The following WDR31 variants were observed in gnomAD, a reference collection of about 807,000 sequenced individuals.
The protein encoded by WDR31 is WD repeat-containing protein 31.
In WDR31, 30 loss-of-function variants were observed where a neutral mutation model predicts 47.3. That is an observed-to-expected ratio of 0.63 (90% CI 0.47 to 0.86). WDR31 has a LOEUF of 0.86. Among genes scored for constraint, WDR31 ranks in the 40% least tolerant of loss-of-function variants. The pLI is 0.00. For missense variants in WDR31, 406 were observed against 442.9 expected (o/e 0.92, Z 0.75); for synonymous variants, 137 against 159.4 (o/e 0.86, Z 1.06).
chr9:113,323,551 T>C (rs12346510), intron 5 of WDR31, among the ~76,000 whole-genome samples: 4,288 of 151,768 alleles, frequency 0.028, 207 homozygotes, highest in African/African-American at 0.098. Flanking sequence ...CATGAGCCAC[T>C]GTGCCCGGCC....
chr9:113,327,219 C>G (rs759554887), intron 5 of WDR31, among the ~76,000 whole-genome samples: 12 of 152,096 alleles, frequency 7.9e-5, no homozygotes, highest in Non-Finnish European at 1.8e-4. Context: ...CAAATTTTAT[C>G]TTTGCTTCTT....
intron 7 of WDR31, among the ~76,000 whole-genome samples, chr9:113,322,010 CT>C (rs1833335954): frequency 6.6e-6 from 1 of 152,042 alleles, no homozygotes; most frequent in Non-Finnish European, 1.5e-5. Flanking sequence ...ACAGGATTTT[CT>C]TTTCTTCCAG....
chr9:113,324,841 T>A (rs937478761), intron 5 of WDR31, among the ~76,000 whole-genome samples: 1 of 109,342 alleles, frequency 9.1e-6, no homozygotes, highest in Non-Finnish European at 2.1e-5. Context: ...TGTGTGTGTG[T>A]GTGTGTGTGT....
rs1173053896 is a variant in WDR31, at chr9:113,318,522, G to A, written c.896C>T (p.Thr299Ile). The A allele has an allele frequency of 1.2e-6, 2 of 1,614,144 alleles. No homozygotes were observed. The highest frequency in any genetic ancestry group is 2.2e-5 in the East Asian group (1 of 44,902). The change falls in exon 10 of 11, where the codon ACC becomes ATC. Residue 299 changes from threonine (T) to isoleucine (I), a missense_variant. Physicochemically the swap from Thr to Ile is moderately conservative, Grantham distance 89 (BLOSUM62 -1). Transcript: ENST00000374193. ...CTTCACCTTGCAATCATGTGATGAGGTAGCAATTAAAGGCATCAAGGCCAA... is the reference window on the plus strand; with the variant it reads ...CTTCACCTTGCAATCATGTGATGAGATAGCAATTAAAGGCATCAAGGCCAA... The part of the protein sequence containing the change: ...RALALMPLIA[T>I]SSHDCKVKIW...
intron 3 of WDR31, among the ~76,000 whole-genome samples, chr9:113,331,322 G>A (rs1456187525): frequency 6.6e-6 from 1 of 152,172 alleles, no homozygotes. Flanking sequence ...ATGACTGAAG[G>A]ACTGGAATCT....
chr9:113,318,477 C>G lies in WDR31; in HGVS notation c.941G>C (p.Gly314Ala). ...AGAACTAACAGCAGGCTGCTTACCT[C>G]CAGTATCTTGGTTCCAAATCTTCAC... The part of the protein sequence containing the change: ...CKVKIWNQDT[G>A]ACLFTLSLDG... The change falls in exon 10 of 11, where the codon GGA (glycine) becomes GCA (alanine). Residue 314 changes from glycine to alanine, a missense_variant and splice_region_variant. Transcript: ENST00000374193. 6.2e-7 allele frequency: 1 copy of G among 1,614,178 alleles called. No homozygotes were observed. Among genetic ancestry groups the G allele is most frequent in the Non-Finnish European group, 8.5e-7 (1 of 1,180,034 alleles).
intron 8 of WDR31, 32 bp from the exon 9 acceptor site, chr9:113,320,530 T>C (rs1456217591): frequency 5.6e-6 from 9 of 1,606,266 alleles, no homozygotes; most frequent in African/African-American, 1.3e-5. Context: ...AATTAGCTTG[T>C]AGTAAATGTG....
chr9:113,331,863 T>A (rs774056833), intron 3 of WDR31, 44 bp downstream of exon 3: 4 of 1,575,430 alleles, frequency 2.5e-6, no homozygotes, highest in Non-Finnish European at 3.5e-6. Context: ...AGAGTTTTAA[T>A]GGGGCATGAT....
intron 4 of WDR31, among the ~76,000 whole-genome samples, chr9:113,330,061 G>A (rs1357800278): frequency 2.6e-5 from 4 of 152,108 alleles, no homozygotes; most frequent in Admixed American, 6.5e-5. Context: ...TATGCAAATG[G>A]AATTTGAAGA....
intron 4 of WDR31, 147 bp from the exon 5 acceptor site, chr9:113,329,102 TG>T (rs1229571448): frequency 1.4e-6 from 1 of 691,860 alleles, no homozygotes; most frequent in Non-Finnish European, 2.5e-6. Context: ...TTCCCTGTTG[TG>T]GCCGTCCCTC....
At chr9:113,326,113 G>C (rs1482157203) in intron 5 of WDR31, among the ~76,000 whole-genome samples, 2 of 152,168 alleles carry the variant, frequency 1.3e-5, no homozygotes, top group Non-Finnish European at 2.9e-5. Context: ...GTTTCTCCAT[G>C]TTGGTCAGGC....
rs1195769256 is a variant in WDR31, at chr9:113,323,121, C to A, written c.359G>T (p.Ser120Ile). The change falls in exon 6 of 11, where the codon AGT becomes ATT. Residue 120 changes from serine to isoleucine, a missense_variant. Ser to Ile is a moderately radical substitution (Grantham distance 142). Transcript: ENST00000374193. Reference sequence around the variant, plus strand: ...CATGACCATCCTGTCACGAGAGGCACTGAAGAACTGGCTGGATTTGGGAAT... The same window carrying A: ...CATGACCATCCTGTCACGAGAGGCAATGAAGAACTGGCTGGATTTGGGAAT... ...ACIPKSSQFF[S>I]ASRDRMVMMW... 1.2e-6 allele frequency: 2 copies of A among 1,614,070 alleles called. No homozygotes were observed.
intron 1 of WDR31, among the ~76,000 whole-genome samples, chr9:113,339,728 ATTTGTT>A (rs200137621): frequency 2.6e-5 from 4 of 151,980 alleles, no homozygotes; most frequent in African/African-American, 4.8e-5. Context: ...CTAAAGCTTA[ATTTGTT>A]TTTGTTTTTG....
intron 5 of WDR31, among the ~76,000 whole-genome samples, chr9:113,328,076 G>A (rs1031501325): frequency 6.6e-6 from 1 of 152,174 alleles, no homozygotes; most frequent in African/African-American, 2.4e-5. Flanking sequence ...GAAGCAAGCT[G>A]GCAGCAGTCT....
At chr9:113,330,849 G>A (rs1833579722) in intron 4 of WDR31, 135 bp downstream of exon 4, 6 of 1,010,678 alleles carry the variant, frequency 5.9e-6, no homozygotes, top group Non-Finnish European at 8.2e-6. Context: ...TTTAAATCCA[G>A]TCTTTCTAAC....
At chr9:113,335,996 C>A (rs1833707945) in intron 2 of WDR31, among the ~76,000 whole-genome samples, 1 of 152,222 alleles carries the variant, frequency 6.6e-6, no homozygotes, top group Admixed American at 6.5e-5. Flanking sequence ...TAAGAGGCCA[C>A]AAGATGTGCT....
intron 2 of WDR31, among the ~76,000 whole-genome samples, chr9:113,334,947 G>T (rs75284673): frequency 6.6e-6 from 1 of 151,984 alleles, no homozygotes; most frequent in Non-Finnish European, 1.5e-5. Context: ...AGCAGGATTC[G>T]AACTCAATCT....
intron 3 of WDR31, 50 bp from the exon 4 acceptor site, chr9:113,331,166 G>A: frequency 8.0e-7 from 1 of 1,257,152 alleles, no homozygotes; most frequent in South Asian, 1.6e-5. Context: ...GAGTGGATGG[G>A]GGTGGGGTGG....
chr9:113,339,092 C>T (rs1431513516), intron 1 of WDR31, among the ~76,000 whole-genome samples: 1 of 152,188 alleles, frequency 6.6e-6, no homozygotes, highest in Non-Finnish European at 1.5e-5. Context: ...CCTGTTGGTT[C>T]CAGTTGGAAC....
Sources: gnomAD v4.1 joint callset for allele counts (sites outside exome capture counted in the v4.1 genomes callset) on GRCh38, gnomAD v4.1.1 for gene constraint, MANE v1.5 for transcripts, NCBI Gene and HGNC (gene_info 2026-07-23, HGNC 2026-07-21) for gene names.